Variants in ATRNL1 observed in about 807,000 individuals in gnomAD.
ATRNL1 encodes attractin like 1, also known as attractin-like protein 1.
ATRNL1 carries 95 observed loss-of-function variants against 182.7 expected under a neutral mutation model. The observed-to-expected ratio is 0.52, with a 90% CI of 0.44 to 0.62. The LOEUF is 0.62. Ranked by LOEUF, ATRNL1 falls within the 20% of genes least tolerant of loss-of-function variation. ATRNL1 has a pLI of 0.00. For synonymous variants in ATRNL1, 576 were observed against 568.3 expected (o/e 1.01, Z -0.19); for missense variants, 1,471 against 1,679.5 (o/e 0.88, Z 2.17).
intron 5 of ATRNL1, among the ~76,000 whole-genome samples, chr10:115,143,516 C>G (rs888096721): frequency 6.6e-6 from 1 of 151,960 alleles, no homozygotes; most frequent in Admixed American, 6.6e-5. Flanking sequence ...TAACAAAATA[C>G]CACAGATTAG....
At chr10:115,291,730 G>A (rs1461860032) in intron 15 of ATRNL1, among the ~76,000 whole-genome samples, 3 of 146,540 alleles carry the variant, frequency 2.0e-5, no homozygotes, top group African/African-American at 7.6e-5. Flanking sequence ...GGTGTGTATT[G>A]TTCTGATATT....
Position 115,755,497 on chromosome 10 carries a change from C to G in ATRNL1, c.3903+28142C>G, listed in dbSNP as rs1478578253. Among the ~76,000 whole-genome samples, 6 of 152,264 alleles carry G rather than the reference C, an allele frequency of 3.9e-5. No individual in the cohort carries two copies. In the Middle Eastern group the frequency reaches 0.017, roughly 432 times the overall value. On this transcript the variant is annotated intron_variant, in intron 27 of 28. Coordinates refer to ENST00000355044, the MANE Select transcript of ATRNL1 (RefSeq NM_207303.4). ...TATTGATTAGCGTATGTTGAACTAG[C>G]CTTGCATCCCAGGGATGAAGCCAAC...
intron 5 of ATRNL1, among the ~76,000 whole-genome samples, chr10:115,149,580 C>T (rs541405911): frequency 6.6e-6 from 1 of 152,174 alleles, no homozygotes; most frequent in Admixed American, 6.5e-5. Context: ...GCTTTTTCTG[C>T]ATCTCTTGAG....
chr10:115,780,316 T>C (rs1233490779), intron 27 of ATRNL1, among the ~76,000 whole-genome samples: 2 of 152,158 alleles, frequency 1.3e-5, no homozygotes, highest in Non-Finnish European at 2.9e-5. Context: ...AAATTGAGTA[T>C]TAGCAAGCCT....
chr10:115,239,474 C>T (rs1216776743), intron 9 of ATRNL1, among the ~76,000 whole-genome samples: 2 of 152,050 alleles, frequency 1.3e-5, no homozygotes, highest in Non-Finnish European at 2.9e-5. Flanking sequence ...CATCGTGATT[C>T]GCCCACTTCG....
rs188617131 is a variant in ATRNL1, at chr10:115,792,553, T to C, written c.3904-55324T>C. ...AGTATATATCTAAATTAACTTCTTTTGTAGCATTTTATCAGTGTTCTGCCT... is the reference window on the plus strand; with the variant it reads ...AGTATATATCTAAATTAACTTCTTTCGTAGCATTTTATCAGTGTTCTGCCT... On this transcript the variant is annotated intron_variant, in intron 27 of 28. Transcript: ENST00000355044. 2.6e-5 allele frequency among the ~76,000 whole-genome samples: 4 copies of C among 152,228 alleles called. No individual in the cohort carries two copies. The East Asian group carries it at 7.7e-4, about 29-fold the overall frequency.
intron 27 of ATRNL1, among the ~76,000 whole-genome samples, chr10:115,774,724 G>A (rs1223569956): frequency 2.6e-5 from 4 of 152,004 alleles, no homozygotes; most frequent in African/African-American, 7.3e-5. Context: ...TGTTGACACA[G>A]CACTATAATT....
chr10:115,854,227 C>T (rs17667223), intron 28 of ATRNL1, among the ~76,000 whole-genome samples: 2,563 of 152,276 alleles, frequency 0.017, 25 homozygotes, highest in Non-Finnish European at 0.024. Flanking sequence ...CAGCAGTAAT[C>T]GAGTGATAAA....
chr10:115,259,477 C>T (rs61880822), intron 10 of ATRNL1, among the ~76,000 whole-genome samples: 200 of 152,252 alleles, frequency 1.3e-3, no homozygotes, highest in Non-Finnish European at 2.1e-3. Flanking sequence ...TTGGGAAAAG[C>T]GCAGTATTTG....
intron 26 of ATRNL1, among the ~76,000 whole-genome samples, chr10:115,697,845 T>C (rs1555050338): frequency 6.6e-6 from 1 of 152,134 alleles, no homozygotes; most frequent in African/African-American, 2.4e-5. Context: ...TTTGCTACTA[T>C]CCTGTACTTG....
chr10:115,645,087 T>C (rs1859519639), intron 26 of ATRNL1, among the ~76,000 whole-genome samples: 2 of 152,096 alleles, frequency 1.3e-5, no homozygotes, highest in East Asian at 3.9e-4. Flanking sequence ...TCAACACTAA[T>C]GGACAAGCTG....
intron 26 of ATRNL1, among the ~76,000 whole-genome samples, chr10:115,661,258 C>T (rs1246389705): frequency 5.3e-5 from 8 of 152,074 alleles, no homozygotes; most frequent in South Asian, 2.1e-4. Flanking sequence ...AACTGTCAAA[C>T]GTATGTCCTT....
intron 26 of ATRNL1, among the ~76,000 whole-genome samples, chr10:115,616,919 C>A (rs536964718): frequency 3.3e-4 from 51 of 152,266 alleles, no homozygotes; most frequent in African/African-American, 1.2e-3. Flanking sequence ...CAGTGCAGAG[C>A]GGATATGTCA....
intron 24 of ATRNL1, among the ~76,000 whole-genome samples, chr10:115,485,906 C>G (rs1162410071): frequency 2.6e-5 from 4 of 151,184 alleles, no homozygotes; most frequent in Non-Finnish European, 4.4e-5. Flanking sequence ...CCCCCACCCC[C>G]CAATAGGCCC....
At chr10:115,760,429 C>T (rs1555073277) in intron 27 of ATRNL1, among the ~76,000 whole-genome samples, 1 of 151,974 alleles carries the variant, frequency 6.6e-6, no homozygotes, top group African/African-American at 2.4e-5. Context: ...TAATTTATAA[C>T]TAATTTTAAA....
In ATRNL1 at chr10:115,536,919, T is replaced by A. The variant is rs183511367; in HGVS notation, c.3717-12539T>A. ...CTAGAATATTTGCCAAAAAGTTTTTTAAACAATGTGTAAGGACACTGTGAA... is the reference window on the plus strand; with the variant it reads ...CTAGAATATTTGCCAAAAAGTTTTTAAAACAATGTGTAAGGACACTGTGAA... On this transcript the variant is annotated intron_variant, in intron 25 of 28. Coordinates refer to ENST00000355044, the MANE Select transcript of ATRNL1 (RefSeq NM_207303.4). Among the ~76,000 whole-genome samples the A allele has an allele frequency of 9.8e-5, 15 of 152,328 alleles. No homozygotes were observed. In the East Asian group the frequency reaches 2.9e-3, roughly 29 times the overall value.
intron 27 of ATRNL1, among the ~76,000 whole-genome samples, chr10:115,838,328 T>C (rs1248915165): frequency 1.3e-5 from 2 of 152,150 alleles, no homozygotes; most frequent in African/African-American, 4.8e-5. Flanking sequence ...CTGTGGTACA[T>C]GGGATTGGTA....
At chr10:115,826,861 C>T (rs1159864164) in intron 27 of ATRNL1, among the ~76,000 whole-genome samples, 1 of 152,034 alleles carries the variant, frequency 6.6e-6, no homozygotes, top group Non-Finnish European at 1.5e-5. Flanking sequence ...GAGTGGGTAA[C>T]AGGAATAGAA....
At chr10:115,339,461 T>C (rs1343955203) in intron 19 of ATRNL1, among the ~76,000 whole-genome samples, 1 of 152,188 alleles carries the variant, frequency 6.6e-6, no homozygotes, top group Middle Eastern at 3.2e-3. Context: ...TTTAATTTTA[T>C]GTGTGGCTAT....
Sources: gnomAD v4.1 joint callset for allele counts (sites outside exome capture counted in the v4.1 genomes callset) on GRCh38, gnomAD v4.1.1 for gene constraint, MANE v1.5 for transcripts, NCBI Gene and HGNC (gene_info 2026-07-23, HGNC 2026-07-21) for gene names.